Variants in MYO3B observed in about 807,000 individuals in gnomAD.
MYO3B encodes myosin IIIB.
MYO3B carries 156 observed loss-of-function variants against 174.6 expected under a neutral mutation model. That is an observed-to-expected ratio of 0.89 (90% confidence interval 0.78 to 1.02). The LOEUF (loss-of-function observed/expected upper bound fraction) is 1.02. MYO3B is among the 50% of genes least tolerant of loss of function. The pLI, the probability that MYO3B is intolerant of heterozygous loss-of-function variation, is 0.00. For synonymous variants in MYO3B, 563 were observed against 569.1 expected, an observed-to-expected ratio of 0.99 and a Z score of 0.15; for missense variants, 1,632 against 1,639.4, an observed-to-expected ratio of 1.00 and a Z score of 0.08.
intron 7 of MYO3B, among the ~76,000 whole-genome samples, chr2:170,267,878 G>A (rs2105363227): frequency 6.6e-6 from 1 of 152,250 alleles, no homozygotes; most frequent in South Asian, 2.1e-4. Flanking sequence ...CTTAGGGTTG[G>A]ACAGAATCCA....
intron 32 of MYO3B, among the ~76,000 whole-genome samples, chr2:170,556,375 T>C (rs1459319579): frequency 6.6e-6 from 1 of 152,158 alleles, no homozygotes; most frequent in Non-Finnish European, 1.5e-5. Context: ...TACTGGATTG[T>C]GTGGTAAGAG....
Position 170,365,141 on chromosome 2 carries a change from G to A in MYO3B, c.816-4081G>A, listed in dbSNP as rs544166962. Among the ~76,000 whole-genome samples the A allele has an allele frequency of 5.1e-4, 77 of 152,182 alleles. No individual in the cohort carries two copies. The South Asian group carries it at 0.012, about 23-fold the overall frequency. On this transcript the variant is annotated intron_variant, in intron 8 of 34. Coordinates refer to ENST00000408978, the MANE Select transcript of MYO3B (RefSeq NM_138995.5). ...CCCTCTGGCCGCGAAGTATTGTTTCGTACGTTGTACCTTTGTCATTTTTAA... is the reference window on the plus strand; with the variant it reads ...CCCTCTGGCCGCGAAGTATTGTTTCATACGTTGTACCTTTGTCATTTTTAA...
At chr2:170,617,604 T>C (rs562418938) in intron 32 of MYO3B, among the ~76,000 whole-genome samples, 180 of 152,324 alleles carry the variant, frequency 1.2e-3, no homozygotes, top group African/African-American at 4.2e-3. Flanking sequence ...CTCCATAATT[T>C]GGAATGTTCA....
chr2:170,642,057 C>G (rs1037633586), intron 32 of MYO3B, among the ~76,000 whole-genome samples: 2 of 152,024 alleles, frequency 1.3e-5, no homozygotes, highest in African/African-American at 4.8e-5. Context: ...CAGAGGTATC[C>G]CAGGATACGA....
At chr2:170,432,876 A>G (rs1375010778) in intron 22 of MYO3B, among the ~76,000 whole-genome samples, 1 of 152,166 alleles carries the variant, frequency 6.6e-6, no homozygotes, top group African/African-American at 2.4e-5. Flanking sequence ...TGCCCGGCCA[A>G]AAAAGAAATC....
chr2:170,202,779 C>A (rs893169076), intron 3 of MYO3B, among the ~76,000 whole-genome samples: 2 of 152,078 alleles, frequency 1.3e-5, no homozygotes, highest in Non-Finnish European at 2.9e-5. Context: ...AGGGGACTCA[C>A]ACAAAAAAAT....
intron 30 of MYO3B, 130 bp downstream of exon 30, chr2:170,519,670 G>T: frequency 1.2e-6 from 1 of 800,114 alleles, no homozygotes; most frequent in Non-Finnish European, 2.0e-6. Context: ...GGAGAGAGTG[G>T]AACCAAAAAG....
In MYO3B at chr2:170,498,618, A is replaced by C. The variant is rs770328709; in HGVS notation, c.3041A>C (p.His1014Pro). 5.0e-6 allele frequency: 8 copies of C among 1,613,968 alleles called. No individual in the cohort carries two copies. Among genetic ancestry groups the C allele is most frequent in the Non-Finnish European group, 6.8e-6 (8 of 1,179,956 alleles). Residue 1014 changes from histidine (H) to proline (P), a missense_variant, in exon 26 of 35, where the codon CAT becomes CCT. Coordinates refer to ENST00000408978, the MANE Select transcript of MYO3B (RefSeq NM_138995.5). ...TATTATTACTTGGCATTCACAGCAC[A>C]TCAAACACCTCTTGCTAGCAAAGAG... ...KRYYYLAFTA[H>P]QTPLASKESC...
At chr2:170,503,177 A>G (rs979278557) in intron 28 of MYO3B, among the ~76,000 whole-genome samples, 3 of 152,138 alleles carry the variant, frequency 2.0e-5, no homozygotes, top group African/African-American at 7.2e-5. Context: ...TAAAATTTAA[A>G]CTTGCTTGAG....
chr2:170,648,032 A>C lies in MYO3B; in HGVS notation c.3734-3596A>C, dbSNP rs913888886. ...AGACCTCCAGAGCATACTTCACACC[A>C]GCAGCCGGACCTAAGGACACTTCTC... is the stretch of plus-strand genomic sequence containing the variant. On this transcript the variant is annotated intron_variant, in intron 32 of 34. Transcript: ENST00000408978. The C allele has an allele frequency of 5.9e-5, 9 of 152,252 alleles. No homozygotes were observed. The East Asian group carries it at 1.7e-3, about 29-fold the overall frequency. The allele number at this position is 152,252 out of a possible 1,614,324, so 9.4% of individuals were successfully genotyped here.
intron 6 of MYO3B, among the ~76,000 whole-genome samples, chr2:170,224,047 T>C (rs1158971645): frequency 6.6e-6 from 1 of 152,210 alleles, no homozygotes; most frequent in Non-Finnish European, 1.5e-5. Context: ...AAAGGTCTGT[T>C]TGACAAGCAG....
At chr2:170,349,965 T>C (rs986801884) in intron 8 of MYO3B, 2 of 152,124 alleles carry the variant, frequency 1.3e-5, no homozygotes, top group Non-Finnish European at 2.9e-5. Context: ...TACACCTTCC[T>C]CTCTCAATAT....
chr2:170,363,503 A>C (rs1219958821), intron 8 of MYO3B, among the ~76,000 whole-genome samples: 1 of 152,172 alleles, frequency 6.6e-6, no homozygotes, highest in Non-Finnish European at 1.5e-5. Flanking sequence ...GAGTGCACAG[A>C]CACCACCAGC....
At chr2:170,429,133 G>A (rs1412718589) in intron 22 of MYO3B, among the ~76,000 whole-genome samples, 1 of 152,154 alleles carries the variant, frequency 6.6e-6, no homozygotes, top group African/African-American at 2.4e-5. Flanking sequence ...AATAGATAAG[G>A]TATGTTGTGC....
intron 3 of MYO3B, among the ~76,000 whole-genome samples, chr2:170,208,359 G>A (rs1398589338): frequency 6.6e-6 from 1 of 152,172 alleles, no homozygotes; most frequent in Non-Finnish European, 1.5e-5. Context: ...CCAGATAACT[G>A]GTGGCTATAG....
At chr2:170,200,570 T>A (rs2092650570) in intron 3 of MYO3B, among the ~76,000 whole-genome samples, 2 of 152,246 alleles carry the variant, frequency 1.3e-5, no homozygotes, top group South Asian at 4.1e-4. Context: ...CCCTAACATT[T>A]AATTGTAAAC....
At chr2:170,624,933 A>G (rs1310778904) in intron 32 of MYO3B, among the ~76,000 whole-genome samples, 1 of 152,162 alleles carries the variant, frequency 6.6e-6, no homozygotes, top group Non-Finnish European at 1.5e-5. Context: ...ATCATGGTGG[A>G]TAAGCTTTTT....
chr2:170,208,907 A>G (rs2092742719), intron 3 of MYO3B, among the ~76,000 whole-genome samples: 1 of 152,210 alleles, frequency 6.6e-6, no homozygotes, highest in Admixed American at 6.5e-5. Context: ...AAAGCTGAGC[A>G]CAGCCATGGG....
In MYO3B at chr2:170,346,896, G is replaced by A. The variant is rs1574826164; in HGVS notation, c.815+11446G>A. 2.0e-5 allele frequency among the ~76,000 whole-genome samples: 3 copies of A among 152,212 alleles called. No homozygotes were observed. The South Asian group carries it at 6.2e-4, about 32-fold the overall frequency. ...CACTGCATCTAGGATAGAGCATCAT[G>A]ATCGCTTAGTGACATTTACTATGGG... On this transcript the variant is annotated intron_variant, in intron 8 of 34. Coordinates refer to ENST00000408978, the MANE Select transcript of MYO3B (RefSeq NM_138995.5).
Sources: allele counts gnomAD v4.1 joint callset (sites outside exome capture counted in the v4.1 genomes callset), GRCh38; gene constraint gnomAD v4.1.1; transcripts MANE v1.5; gene names NCBI Gene and HGNC (gene_info 2026-07-23, HGNC 2026-07-21).